The following SLC25A19 variants were observed in gnomAD, a reference collection of about 807,000 sequenced individuals.
The protein encoded by SLC25A19 is mitochondrial thiamine pyrophosphate carrier.
In SLC25A19, 18 loss-of-function variants were observed where a neutral mutation model predicts 27.9. That is an observed-to-expected ratio of 0.64 (90% CI 0.45 to 0.96). The LOEUF is 0.96. Ranked by LOEUF, SLC25A19 falls within the 40% of genes least tolerant of loss-of-function variation. SLC25A19 has a pLI of 0.00. For synonymous variants in SLC25A19, 169 were observed against 167.1 expected (o/e 1.01, Z -0.09); for missense variants, 371 against 418.3 (o/e 0.89, Z 0.99).
rs6501774 is a variant in SLC25A19 at position 75,286,881 on chromosome 17, C to A, written c.-38-79G>T. On this transcript the variant is annotated intron_variant, in intron 2 of 7. Coordinates refer to ENST00000416858, the MANE Select transcript of SLC25A19 (RefSeq NM_001126121.2). Reference sequence around the variant, plus strand: ...TCAAATATCACCTCCTCAGAGCAGCCCTCCCTGACTAGACTGTCTAAAATA... The same window carrying A: ...TCAAATATCACCTCCTCAGAGCAGCACTCCCTGACTAGACTGTCTAAAATA... 1,032,534 of 1,334,000 alleles carry A rather than the reference C, an allele frequency of 0.77. 403,776 individuals carry two copies. The highest frequency in any genetic ancestry group is 0.9 in the East Asian group (35,503 of 39,334). The allele number at this position is 1,334,000 out of a possible 1,614,324, so 82.6% of individuals were successfully genotyped here.
At chr17:75,277,613 A>T in intron 6 of SLC25A19, 130 bp from the exon 7 acceptor site, 1 of 1,044,026 alleles carries the variant, frequency 9.6e-7, no homozygotes, top group African/African-American at 1.6e-5. Context: ...TCTGACCTCC[A>T]CTGGTCCTCC....
At chr17:75,279,427 T>C (rs1002221834) in intron 5 of SLC25A19, among the ~76,000 whole-genome samples, 1 of 152,062 alleles carries the variant, frequency 6.6e-6, no homozygotes, top group East Asian at 1.9e-4. Context: ...CTCACTTTCA[T>C]GACCAGATAT....
intron 5 of SLC25A19, among the ~76,000 whole-genome samples, chr17:75,282,855 A>T (rs934975254): frequency 5.6e-4 from 85 of 151,268 alleles, no homozygotes; most frequent in African/African-American, 9.2e-4. Context: ...TGTCTCAAAA[A>T]AAATAAATAA....
At chr17:75,286,904 A>C in intron 2 of SLC25A19, 102 bp from the exon 3 acceptor site, 1 of 1,169,384 alleles carries the variant, frequency 8.6e-7, no homozygotes, top group Non-Finnish European at 1.2e-6. Context: ...ACTGTCTAAA[A>C]TAGCACTCAC....
intron 7 of SLC25A19, among the ~76,000 whole-genome samples, chr17:75,274,971 G>GTTT (rs1303503438): frequency 1.4e-5 from 1 of 73,910 alleles, no homozygotes; most frequent in Non-Finnish European, 2.7e-5. Context: ...AGGGATTTTG[G>GTTT]TCTTTTTTTT....
chr17:75,277,270 T>C (rs980289565), intron 7 of SLC25A19, 83 bp downstream of exon 7: 4 of 1,569,166 alleles, frequency 2.5e-6, no homozygotes, highest in Non-Finnish European at 2.6e-6. Context: ...TGTTGCCCAA[T>C]GGGTAGGAGG....
At position 75,273,352 on chromosome 17, in the gene SLC25A19, G is replaced by A. The variant is rs545844561; in HGVS notation, c.*99C>T. 5.1e-5 allele frequency: 71 copies of A among 1,380,032 alleles called. No individual in the cohort carries two copies. In the South Asian group the frequency reaches 6.2e-4, roughly 12 times the overall value. 85.5% of individuals were successfully genotyped at this position (1,380,032 alleles called of 1,614,324 possible). The stretch of plus-strand genomic sequence containing the variant: ...GGCTGCTACCCCGCTTGGGGCAGCT[G>A]GCCTGCAGGGAAGGGCCAGACGGCA... On this transcript the variant is annotated 3_prime_UTR_variant, in exon 8 of 8. Coordinates refer to ENST00000416858, the MANE Select transcript of SLC25A19 (RefSeq NM_001126121.2).
rs2291033 is a variant in SLC25A19 at position 75,289,380 on chromosome 17, A to C, written c.-155T>G. On this transcript the variant is annotated 5_prime_UTR_variant, in exon 1 of 8. Transcript: ENST00000416858. ...CGGCTCGGCGGGTGCGGCCCGGCTC[A>C]GCGCTCTCCGCTCTCTCTAGCTCCT... 138,070 of 152,228 alleles carry C rather than the reference A, an allele frequency of 0.91. 63,784 individuals carry two copies. Among genetic ancestry groups the C allele is most frequent in the Non-Finnish European group, 1 (67,992 of 68,152 alleles). The allele number at this position is 152,228 out of a possible 1,614,324, so 9.4% of individuals were successfully genotyped here.
intron 6 of SLC25A19, 131 bp from the exon 7 acceptor site, chr17:75,277,614 C>T: frequency 9.8e-7 from 1 of 1,023,160 alleles, no homozygotes; most frequent in East Asian, 2.5e-5. Context: ...CTGACCTCCA[C>T]TGGTCCTCCC....
rs2306219 is a variant in SLC25A19 at position 75,286,555 on chromosome 17, C to T, written c.132+78G>A. ...GCAAGCCCTTCATCTGGATAGAATT[C>T]CAAGTTTTAGGAACTGCTTTTGCAA... is the stretch of plus-strand genomic sequence containing the variant. On this transcript the variant is annotated intron_variant, in intron 3 of 7. Coordinates refer to ENST00000416858, the MANE Select transcript of SLC25A19 (RefSeq NM_001126121.2). 1,255,187 of 1,613,560 alleles carry T rather than the reference C, an allele frequency of 0.78. 492,654 individuals carry two copies. The highest frequency in any genetic ancestry group is 0.9 in the East Asian group (40,528 of 44,872).
In SLC25A19 at chr17:75,283,521, G is replaced by T. The variant is rs566153900; in HGVS notation, c.361C>A (p.His121Asn). ...GCAGCCAGGCCACCACATACAAAGT[G>T]CACTGAGAATTCCCGGGCGTCATAC... ...SVYDAREFSV[H>N]FVCGGLAACM... The change falls in exon 5 of 8, where the codon CAC becomes AAC. Residue 121 changes from histidine to asparagine, a missense_variant. Coordinates refer to ENST00000416858, the MANE Select transcript of SLC25A19 (RefSeq NM_001126121.2). 1.2e-6 allele frequency: 2 copies of T among 1,613,764 alleles called. No individual in the cohort carries two copies. The highest frequency in any genetic ancestry group is 2.2e-5 in the South Asian group (2 of 91,002).
chr17:75,287,077 T>G (rs1427289264), intron 2 of SLC25A19: 1 of 354,902 alleles, frequency 2.8e-6, no homozygotes, highest in Non-Finnish European at 5.5e-6. Context: ...AAATAGCACT[T>G]GTTTTATTCC....
rs561002779 is a variant in SLC25A19, at chr17:75,273,576, C to T, written c.838G>A (p.Gly280Ser). The T allele has an allele frequency of 5.0e-6, 8 of 1,613,944 alleles. No individual in the cohort carries two copies. In the Admixed American group the frequency reaches 5.0e-5, roughly 10 times the overall value. ...KQVLQKEGAL[G>S]FFKGLSPSLL... ...CTGGGGGACAGGCCCTTGAAGAAGCCCAGGGCGCCTTCCTTTTGCAGCACC... is the reference window on the plus strand; with the variant it reads ...CTGGGGGACAGGCCCTTGAAGAAGCTCAGGGCGCCTTCCTTTTGCAGCACC... The change falls in exon 8 of 8, where the codon GGC becomes AGC. Residue 280 changes from glycine to serine, a missense_variant. Gly to Ser is a moderately conservative substitution (Grantham distance 56). Coordinates refer to ENST00000416858, the MANE Select transcript of SLC25A19 (RefSeq NM_001126121.2).
At position 75,273,401 on chromosome 17, in the gene SLC25A19, C is replaced by T; in HGVS notation, c.*50G>A. 6.3e-7 allele frequency: 1 copy of T among 1,583,398 alleles called. No homozygotes were observed. Among genetic ancestry groups the T allele is most frequent in the Non-Finnish European group, 8.6e-7 (1 of 1,163,644 alleles). On this transcript the variant is annotated 3_prime_UTR_variant, in exon 8 of 8. Coordinates refer to ENST00000416858, the MANE Select transcript of SLC25A19 (RefSeq NM_001126121.2). Reference sequence around the variant, plus strand: ...CACCTCTCAGTGGAGACTGAATCTTCCTTCCTTCAGGAGGCTGCCTCCAGG... The same window carrying T: ...CACCTCTCAGTGGAGACTGAATCTTTCTTCCTTCAGGAGGCTGCCTCCAGG...
intron 3 of SLC25A19, 36 bp from the exon 4 acceptor site, chr17:75,286,495 G>T (rs1567843627): frequency 6.8e-6 from 11 of 1,613,500 alleles, no homozygotes; most frequent in Non-Finnish European, 9.3e-6. Flanking sequence ...GGACAGTGGG[G>T]TGGGCTGGAA....
At chr17:75,275,965 C>T (rs577674816) in intron 7 of SLC25A19, among the ~76,000 whole-genome samples, 16 of 149,530 alleles carry the variant, frequency 1.1e-4, no homozygotes, top group South Asian at 2.1e-4. Context: ...AGCGAGACTC[C>T]GTCTCAAAAA....
chr17:75,287,611 G>A (rs1007229796), intron 2 of SLC25A19: 1 of 152,210 alleles, frequency 6.6e-6, no homozygotes, highest in Non-Finnish European at 1.5e-5. Context: ...AGATCAACTG[G>A]TTTTCCAAGA....
At chr17:75,274,111 G>C (rs2077799265) in intron 7 of SLC25A19, among the ~76,000 whole-genome samples, 1 of 152,206 alleles carries the variant, frequency 6.6e-6, no homozygotes, top group African/African-American at 2.4e-5. Context: ...ATTGGGTTAA[G>C]ACTGAACAGA....
Position 75,273,226 on chromosome 17 carries a change from T to C in SLC25A19, c.*225A>G. On this transcript the variant is annotated 3_prime_UTR_variant, in exon 8 of 8. Transcript: ENST00000416858. ...ACAGCAACTTCCTGCTCCTTCTCAC[T>C]GTGTCGTTGGCTCACCATAGACCAC... The C allele has an allele frequency of 1.7e-6, 1 of 572,354 alleles. No homozygotes were observed. The highest frequency in any genetic ancestry group is 3.1e-6 in the Non-Finnish European group (1 of 319,858). 35.5% of individuals were successfully genotyped at this position (572,354 alleles called of 1,614,324 possible). A position where few individuals can be genotyped will look rare whatever the true frequency, so the allele number is the denominator to read the frequency against.
Sources: allele counts gnomAD v4.1 joint callset (sites outside exome capture counted in the v4.1 genomes callset), GRCh38; gene constraint gnomAD v4.1.1; transcripts MANE v1.5; gene names NCBI Gene and HGNC (gene_info 2026-07-23, HGNC 2026-07-21).